The following NMT1 variants were observed in gnomAD, a reference collection of about 807,000 sequenced individuals.
NMT1 encodes N-myristoyltransferase 1, also known as glycylpeptide N-tetradecanoyltransferase 1.
Under a neutral mutation model 63.4 loss-of-function variants are expected in NMT1, and 12 were observed. The ratio of observed to expected loss-of-function variants is 0.19; its 90% CI spans 0.12 to 0.31. The LOEUF is 0.31. NMT1 is among the 10% of genes least tolerant of loss of function. NMT1 has a pLI of 1.00. For synonymous variants in NMT1, 228 were observed against 234.3 expected, an observed-to-expected ratio of 0.97 and a Z score of 0.25; for missense variants, 432 against 634.6, an observed-to-expected ratio of 0.68 and a Z score of 3.43.
intron 1 of NMT1, among the ~76,000 whole-genome samples, chr17:45,069,273 A>ATTAT (rs1555604551): frequency 0.032 from 4,340 of 137,612 alleles, 93 homozygotes; most frequent in Middle Eastern, 0.065. Flanking sequence ...TTTATTTTTT[A>ATTAT]TTATTTATTT....
chr17:45,094,961 T>G (rs1212137308), intron 4 of NMT1, among the ~76,000 whole-genome samples: 1 of 151,766 alleles, frequency 6.6e-6, no homozygotes, highest in Non-Finnish European at 1.5e-5. Flanking sequence ...TACAACCATC[T>G]GTCACCATGC....
At chr17:45,078,728 T>G (rs937798385) in intron 1 of NMT1, among the ~76,000 whole-genome samples, 2 of 152,060 alleles carry the variant, frequency 1.3e-5, no homozygotes, top group Admixed American at 6.6e-5. Context: ...GTTGTGCGAT[T>G]TTAGCTCACT....
intron 1 of NMT1, among the ~76,000 whole-genome samples, chr17:45,075,584 A>T (rs1219451381): frequency 6.6e-6 from 1 of 152,080 alleles, no homozygotes; most frequent in Non-Finnish European, 1.5e-5. Flanking sequence ...GTTCAAGACC[A>T]GCCTGGCCAA....
intron 1 of NMT1, among the ~76,000 whole-genome samples, chr17:45,076,596 A>G (rs2143470406): frequency 6.6e-6 from 1 of 152,158 alleles, no homozygotes; most frequent in Admixed American, 6.6e-5. Context: ...CTAAAAATAC[A>G]AAAATTAGCT....
intron 1 of NMT1, among the ~76,000 whole-genome samples, chr17:45,072,015 A>G (rs1317331520): frequency 6.6e-6 from 1 of 152,182 alleles, no homozygotes; most frequent in African/African-American, 2.4e-5. Flanking sequence ...ATTTTGGGAA[A>G]TTGAAGCAGG....
At chr17:45,070,683 C>T (rs1457460399) in intron 1 of NMT1, among the ~76,000 whole-genome samples, 1 of 152,158 alleles carries the variant, frequency 6.6e-6, no homozygotes, top group Non-Finnish European at 1.5e-5. Context: ...TCCCTAAGAG[C>T]TGGAATTACA....
chr17:45,076,693 T>G (rs1423579963), intron 1 of NMT1, among the ~76,000 whole-genome samples: 1 of 150,942 alleles, frequency 6.6e-6, no homozygotes, highest in Admixed American at 6.6e-5. Flanking sequence ...GAGGCTGCAG[T>G]GAGCTGAGAT....
intron 1 of NMT1, among the ~76,000 whole-genome samples, chr17:45,069,018 T>C (rs2053922056): frequency 6.6e-6 from 1 of 151,690 alleles, no homozygotes. Context: ...TGGAGTGCAG[T>C]GGCGCGATCT....
intron 4 of NMT1, among the ~76,000 whole-genome samples, chr17:45,095,849 C>G (rs117450793): frequency 6.6e-6 from 1 of 152,142 alleles, no homozygotes; most frequent in African/African-American, 2.4e-5. Context: ...AGTGACTCTC[C>G]GTGGTAATTC....
chr17:45,103,948 C>G lies in NMT1; in HGVS notation c.1332+72C>G, dbSNP rs1483413031. On this transcript the variant is annotated intron_variant, in intron 10 of 11. Transcript: ENST00000258960. This position sits in a 1 kb window ranked among gnomAD's most constrained non-coding sequence, Gnocchi z 4.8. Reference sequence around the variant, plus strand: ...AGTGGAGCCATGGTGAGCACAGCTCCCGGGACGCAGCCTCCCATGGGCTGG... The same window carrying G: ...AGTGGAGCCATGGTGAGCACAGCTCGCGGGACGCAGCCTCCCATGGGCTGG... 18 of 1,603,790 alleles carry G rather than the reference C, an allele frequency of 1.1e-5. No homozygotes were observed. The highest frequency in any genetic ancestry group is 1.4e-5 in the Non-Finnish European group (17 of 1,179,816).
rs2054198520 is a variant in NMT1 at position 45,105,691 on chromosome 17, A to T, written c.*52A>T. On this transcript the variant is annotated 3_prime_UTR_variant, in exon 12 of 12. Transcript: ENST00000258960. This position sits in a 1 kb window ranked among gnomAD's most constrained non-coding sequence, Gnocchi z 4.2. ...AGCCACTGAAAATTCGAACCAGGAA[A>T]TGGAACCCCACCACTGTTGGTCCAA... The T allele has an allele frequency of 6.4e-7, 1 of 1,566,690 alleles. No homozygotes were observed. Among genetic ancestry groups the T allele is most frequent in the Non-Finnish European group, 8.8e-7 (1 of 1,139,638 alleles).
chr17:45,082,740 G>A (rs1047202685), intron 2 of NMT1, among the ~76,000 whole-genome samples: 2 of 152,212 alleles, frequency 1.3e-5, no homozygotes, highest in African/African-American at 2.4e-5. Context: ...CTGAGACCTG[G>A]GGTGGTGGTT....
chr17:45,069,481 G>A (rs2053926098), intron 1 of NMT1, among the ~76,000 whole-genome samples: 1 of 150,752 alleles, frequency 6.6e-6, no homozygotes, highest in Non-Finnish European at 1.5e-5. Context: ...TAGTAGAGAT[G>A]GGGTTTCACC....
At position 45,061,359 on chromosome 17, in the gene NMT1, G is replaced by A. The variant is rs757761311; in HGVS notation, c.30G>A (p.Lys10=). 1.9e-6 allele frequency: 3 copies of A among 1,613,958 alleles called. No individual in the cohort carries two copies. Among genetic ancestry groups the A allele is most frequent in the South Asian group, 2.2e-5 (2 of 91,052 alleles). ...CGGACGAGAGTGAGACAGCAGTGAA[G>A]CCGCCGGCACCTCCGCTGCCGCAGA... MADESETAV[K]PPAPPLPQMM... Residue 10 remains lysine (K), a synonymous_variant, in exon 1 of 12, where the codon AAG becomes AAA. Transcript: ENST00000258960.
intron 1 of NMT1, among the ~76,000 whole-genome samples, chr17:45,073,469 G>A (rs936433658): frequency 5.3e-5 from 8 of 151,982 alleles, no homozygotes; most frequent in African/African-American, 1.9e-4. Flanking sequence ...AATGTCATCG[G>A]GAAGCCAAGA....
intron 1 of NMT1, among the ~76,000 whole-genome samples, chr17:45,062,353 G>C (rs1006677399): frequency 6.6e-6 from 1 of 152,200 alleles, no homozygotes; most frequent in African/African-American, 2.4e-5. Context: ...CACTCACGCT[G>C]TCTCTCCCCA....
rs202244026 is a variant in NMT1 at position 45,078,499 on chromosome 17, T to TAC, written c.132-3141_132-3140dup. 6.4e-3 allele frequency among the ~76,000 whole-genome samples: 980 copies of TAC among 152,236 alleles called. 7 individuals carry two copies. The highest frequency in any genetic ancestry group is 0.011 in the Non-Finnish European group (745 of 68,008). Reference sequence around the variant, plus strand: ...CACTTTCTCCCTGTATATATATATATACACAGTATCTGTCTGTGAGATGAT... The same window carrying TAC: ...CACTTTCTCCCTGTATATATATATATACACACAGTATCTGTCTGTGAGATGAT... On this transcript the variant is annotated intron_variant, in intron 1 of 11. Transcript: ENST00000258960.
chr17:45,093,344 CA>C (rs1424547380), intron 3 of NMT1, among the ~76,000 whole-genome samples: 5 of 152,230 alleles, frequency 3.3e-5, no homozygotes, highest in African/African-American at 4.8e-5. Context: ...GGGCCTGGGC[CA>C]GGGCCCTGAC....
At chr17:45,083,268 G>C (rs1179966629) in intron 2 of NMT1, among the ~76,000 whole-genome samples, 1 of 151,048 alleles carries the variant, frequency 6.6e-6, no homozygotes, top group East Asian at 1.9e-4. Flanking sequence ...GCAGTGAGCC[G>C]AGATCACGCC....
Sources: allele counts gnomAD v4.1 joint callset (sites outside exome capture counted in the v4.1 genomes callset), GRCh38; gene constraint gnomAD v4.1.1; non-coding constraint Gnocchi (gnomAD v3.1); transcripts MANE v1.5; gene names NCBI Gene and HGNC (gene_info 2026-07-23, HGNC 2026-07-21).